Variants in USP1 observed in about 807,000 individuals in gnomAD.
USP1 encodes the protein ubiquitin specific peptidase 1, also known as ubiquitin carboxyl-terminal hydrolase 1.
USP1 carries 18 observed loss-of-function variants against 72.2 expected under a neutral mutation model. The observed-to-expected ratio is 0.25, with a 90% confidence interval of 0.17 to 0.37. USP1 has a LOEUF of 0.37. Among genes scored for constraint, USP1 ranks in the 10% least tolerant of loss-of-function variants. USP1 has a pLI of 1.00. For missense variants in USP1, 759 were observed against 884.9 expected (o/e 0.86, Z 1.81); for synonymous variants, 354 against 303.7 (o/e 1.17, Z -1.72).
Position 62,447,478 on chromosome 1 carries a change from GA to G in USP1, c.1388del (p.Asp463ValfsTer6). The G allele has an allele frequency of 6.2e-7, 1 of 1,614,022 alleles. No individual in the cohort carries two copies. Among genetic ancestry groups the G allele is most frequent in the Non-Finnish European group, 8.5e-7 (1 of 1,179,986 alleles). ...FQDISVPVQE[D>X]ELSKVEESSE... is the part of the protein sequence containing the mutation. ...AGACATCAGTGTGCCAGTACAAGAA[GA>G]TGAGCTTTCCAAAGTAGAGGAGAGT... On this transcript the variant is annotated frameshift_variant, in exon 7 of 9. Transcript: ENST00000339950. LOFTEE classifies it high-confidence loss of function.
At chr1:62,446,257 A>G (rs1645173060) in intron 6 of USP1, among the ~76,000 whole-genome samples, 1 of 152,124 alleles carries the variant, frequency 6.6e-6, no homozygotes. Context: ...AGACCAGGGT[A>G]TCTAATCTTT....
At position 62,451,039 on chromosome 1, in the gene USP1, T is replaced by G. The variant is rs889280195; in HGVS notation, c.*58T>G. The G allele has an allele frequency of 2.8e-5, 41 of 1,450,802 alleles. No homozygotes were observed. The African/African-American group carries it at 4.3e-4, about 15-fold the overall frequency. 89.9% of individuals were successfully genotyped at this position (1,450,802 alleles called of 1,614,324 possible). ...CACACCCATACAAACATTGGTAAAG[T>G]TGATTACATCAAAGAATCTTTAGCT... is the stretch of plus-strand genomic sequence containing the variant. On this transcript the variant is annotated 3_prime_UTR_variant, in exon 9 of 9. Transcript: ENST00000339950.
At position 62,450,792 on chromosome 1, in the gene USP1, C is replaced by A. The variant is rs769448333; in HGVS notation, c.2169C>A (p.Gly723=). The change falls in exon 9 of 9, where the codon GGC becomes GGA. Residue 723 remains glycine, a synonymous_variant. Coordinates refer to ENST00000339950, the MANE Select transcript of USP1 (RefSeq NM_003368.5). ...DRNKESSDQT[G]INISGFENKI... is the part of the protein sequence containing the mutation. ...ACAAGGAATCCAGTGACCAAACAGG[C>A]ATTAATATTAGTGGATTTGAGAACA... 12 of 1,613,900 alleles carry A rather than the reference C, an allele frequency of 7.4e-6. No homozygotes were observed. The highest frequency in any genetic ancestry group is 4.4e-5 in the South Asian group (4 of 91,010).
chr1:62,448,001 T>G (rs1329899607), intron 7 of USP1, among the ~76,000 whole-genome samples: 2 of 152,172 alleles, frequency 1.3e-5, no homozygotes, highest in African/African-American at 2.4e-5. Flanking sequence ...TTAGCCAGGA[T>G]GGTCTCAATC....
chr1:62,444,691 T>G (rs1645157621), intron 5 of USP1, 47 bp from the exon 6 acceptor site: 1 of 1,415,198 alleles, frequency 7.1e-7, no homozygotes, highest in Non-Finnish European at 9.4e-7. Context: ...CTTTATGTAC[T>G]GTATCTTCAA....
chr1:62,441,394 C>A, intron 2 of USP1, 94 bp from the exon 3 acceptor site: 1 of 1,357,590 alleles, frequency 7.4e-7, no homozygotes, highest in South Asian at 1.7e-5. Context: ...TCAGATTATA[C>A]AACTTTTGGG....
chr1:62,441,459 C>T lies in USP1; in HGVS notation c.171-29C>T, dbSNP rs200518365. ...TCACCTTGTTTCTTTAAGATAACTA[C>T]TTATCGTTCTCCCTTCTATATTTCA... On this transcript the variant is annotated intron_variant, in intron 2 of 8. Coordinates refer to ENST00000339950, the MANE Select transcript of USP1 (RefSeq NM_003368.5). 100 of 1,563,464 alleles carry T rather than the reference C, an allele frequency of 6.4e-5. No individual in the cohort carries two copies. In the East Asian group the frequency reaches 2.1e-3, roughly 32 times the overall value.
chr1:62,441,743 C>A, intron 3 of USP1, 135 bp downstream of exon 3: 2 of 1,042,836 alleles, frequency 1.9e-6, no homozygotes, highest in Non-Finnish European at 2.6e-6. Flanking sequence ...CCAGAATAGG[C>A]TAAAATAATA....
In USP1 at chr1:62,445,048, C is replaced by T. The variant is rs765001202; in HGVS notation, c.868C>T (p.His290Tyr). 5 of 1,612,962 alleles carry T rather than the reference C, an allele frequency of 3.1e-6. No homozygotes were observed. Among genetic ancestry groups the T allele is most frequent in the East Asian group, 2.2e-5 (1 of 44,780 alleles). Residue 290 changes from histidine to tyrosine, a missense_variant, in exon 6 of 9, where the codon CAC (histidine) becomes TAC (tyrosine). This residue lies in a region of USP1 where 245 missense variants were observed against 240.7 expected (regional missense o/e 1.02). Coordinates refer to ENST00000339950, the MANE Select transcript of USP1 (RefSeq NM_003368.5). ...MKKKVKLSKE[H>Y]QSLEENQRQT... ...GAAAAAAGTTAAATTATCCAAGGAACACCAGTCATTGGAAGAGAACCAGAG... is the reference window on the plus strand; with the variant it reads ...GAAAAAAGTTAAATTATCCAAGGAATACCAGTCATTGGAAGAGAACCAGAG...
rs923354732 is a variant in USP1, at chr1:62,443,388, A to G, written c.557+69A>G. On this transcript the variant is annotated intron_variant, in intron 5 of 8. Coordinates refer to ENST00000339950, the MANE Select transcript of USP1 (RefSeq NM_003368.5). ...GTTTATATCCTTGGAGGAGAATGACATGCGAAGAAACAGGAATAAAGGGCA... is the reference window on the plus strand; with the variant it reads ...GTTTATATCCTTGGAGGAGAATGACGTGCGAAGAAACAGGAATAAAGGGCA... 11 of 1,425,202 alleles carry G rather than the reference A, an allele frequency of 7.7e-6. No homozygotes were observed. In the East Asian group the frequency reaches 2.3e-4, roughly 29 times the overall value. 88.3% of individuals were successfully genotyped at this position (1,425,202 alleles called of 1,614,324 possible). A position where few individuals can be genotyped will look rare whatever the true frequency, so the allele number is the denominator to read the frequency against.
rs777846730 is a variant in USP1, at chr1:62,450,742, A to G, written c.2119A>G (p.Thr707Ala). The G allele has an allele frequency of 9.9e-6, 16 of 1,613,796 alleles. No individual in the cohort carries two copies. The Admixed American group carries it at 2.0e-4, about 20-fold the overall frequency. Reference sequence around the variant, plus strand: ...TAGAAATTCTGAGACTAGTGATACTACTGGGACCCATGAATCTGATAGAAA... The same window carrying G: ...TAGAAATTCTGAGACTAGTGATACTGCTGGGACCCATGAATCTGATAGAAA... ...ENRNSETSDT[T>A]GTHESDRNKE... The change falls in exon 9 of 9, where the codon ACT (threonine) becomes GCT (alanine). Residue 707 changes from threonine to alanine, a missense_variant. Transcript: ENST00000339950.
intron 8 of USP1, among the ~76,000 whole-genome samples, chr1:62,449,432 G>A (rs1645198525): frequency 6.6e-6 from 1 of 152,092 alleles, no homozygotes; most frequent in African/African-American, 2.4e-5. Flanking sequence ...CATTGTATGT[G>A]TGACTCCTTT....
rs1472218340 is a variant in USP1, at chr1:62,451,055, A to C, written c.*74A>C. The C allele has an allele frequency of 7.2e-7, 1 of 1,383,572 alleles. No homozygotes were observed. Among genetic ancestry groups the C allele is most frequent in the Non-Finnish European group, 9.6e-7 (1 of 1,038,104 alleles). 85.7% of individuals were successfully genotyped at this position (1,383,572 alleles called of 1,614,324 possible). ...TTGGTAAAGTTGATTACATCAAAGA[A>C]TCTTTAGCTTATCTTTTGAAGCTAC... On this transcript the variant is annotated 3_prime_UTR_variant, in exon 9 of 9. Coordinates refer to ENST00000339950, the MANE Select transcript of USP1 (RefSeq NM_003368.5).
intron 8 of USP1, among the ~76,000 whole-genome samples, chr1:62,449,371 A>AG (rs1645197886): frequency 6.6e-6 from 1 of 152,166 alleles, no homozygotes; most frequent in African/African-American, 2.4e-5. Flanking sequence ...CAGTTTGAAA[A>AG]AAAATGCTGA....
rs1371218486 is a variant in USP1, at chr1:62,445,067, A to G, written c.887A>G (p.Asn296Ser). Residue 296 changes from asparagine (N) to serine (S), a missense_variant, in exon 6 of 9, where the codon AAC (asparagine) becomes AGC (serine). Physicochemically the swap from Asn to Ser is conservative, Grantham distance 46. Coordinates refer to ENST00000339950, the MANE Select transcript of USP1 (RefSeq NM_003368.5). ...AAGGAACACCAGTCATTGGAAGAGA[A>G]CCAGAGACAAACTAGATCAAAAAGA... ...LSKEHQSLEENQRQTRSKRKA... is the reference protein window; with the variant it reads ...LSKEHQSLEESQRQTRSKRKA... 6.2e-7 allele frequency: 1 copy of G among 1,612,404 alleles called. No individual in the cohort carries two copies. The highest frequency in any genetic ancestry group is 2.2e-5 in the East Asian group (1 of 44,784).
At chr1:62,447,289 TATA>T in intron 6 of USP1, 49 bp from the exon 7 acceptor site, 1 of 1,516,014 alleles carries the variant, frequency 6.6e-7, no homozygotes, top group South Asian at 1.3e-5. Flanking sequence ...TTATTTGGAC[TATA>T]ATGAGAAACT....
intron 8 of USP1, 116 bp from the exon 9 acceptor site, chr1:62,450,130 T>C (rs1390458127): frequency 2.1e-5 from 27 of 1,278,996 alleles, no homozygotes; most frequent in Non-Finnish European, 2.2e-5. Flanking sequence ...TTTTCTGATA[T>C]ATGAACACTG....
rs201577373 is a variant in USP1, at chr1:62,445,445, A to G, written c.1249+16A>G. 6.7e-7 allele frequency: 1 copy of G among 1,503,430 alleles called. No individual in the cohort carries two copies. Among genetic ancestry groups the G allele is most frequent in the East Asian group, 2.3e-5 (1 of 43,352 alleles). 93.1% of individuals were successfully genotyped at this position (1,503,430 alleles called of 1,614,324 possible). The stretch of plus-strand genomic sequence containing the variant: ...ATAAACAAAGGTTAGTATAATTCTT[A>G]GACTTTGATAGGTAGAAGCATTAGC... On this transcript the variant is annotated intron_variant, in intron 6 of 8. Coordinates refer to ENST00000339950, the MANE Select transcript of USP1 (RefSeq NM_003368.5).
chr1:62,444,744 C>G lies in USP1; in HGVS notation c.564C>G (p.Leu188=). 1.3e-6 allele frequency: 2 copies of G among 1,563,656 alleles called. No individual in the cohort carries two copies. The highest frequency in any genetic ancestry group is 1.3e-5 in the South Asian group (1 of 79,780). ...TGGAAATTTTTATTTATAGGGAACT[C>G]AACCCTATGTATGAAGGATATCTAC... The part of the protein sequence containing the change: ...PRRLLNTLRE[L]NPMYEGYLQH... Residue 188 remains leucine (L), a synonymous_variant, in exon 6 of 9, where the codon CTC becomes CTG. Transcript: ENST00000339950.
Sources: gnomAD v4.1 joint callset for allele counts (sites outside exome capture counted in the v4.1 genomes callset) on GRCh38, gnomAD v4.1.1 for gene constraint, gnomAD v4.1.1 regional missense constraint, MANE v1.5 for transcripts, NCBI Gene and HGNC (gene_info 2026-07-23, HGNC 2026-07-21) for gene names.